The following RABL2A variants were observed in gnomAD, a reference collection of about 807,000 sequenced individuals.
RABL2A encodes the protein RAB, member of RAS oncogene family like 2A.
RABL2A carries 17 observed loss-of-function variants against 30.7 expected under a neutral mutation model. The ratio of observed to expected loss-of-function variants is 0.55; its 90% CI spans 0.38 to 0.83. The LOEUF (loss-of-function observed/expected upper bound fraction) is 0.83, where lower values mean the gene tolerates loss of function less well. Among genes scored for constraint, RABL2A ranks in the 40% least tolerant of loss-of-function variants. The pLI is 0.00. For missense variants in RABL2A, 155 were observed against 272.6 expected, an observed-to-expected ratio of 0.57 and a Z score of 3.04; for synonymous variants, 64 against 101.8, an observed-to-expected ratio of 0.63 and a Z score of 2.24.
chr2:113,637,419 C>T (rs1252253823), intron 5 of RABL2A: 125 of 1,082,228 alleles, frequency 1.2e-4, no homozygotes, highest in Admixed American at 2.0e-4. Flanking sequence ...CTGTGATGCA[C>T]GTGTGCAGGA....
At chr2:113,634,980 T>C in intron 4 of RABL2A, 71 bp from the exon 5 acceptor site, 1 of 1,602,992 alleles carries the variant, frequency 6.2e-7, no homozygotes, top group Non-Finnish European at 8.5e-7. Context: ...TTGTGCCGCA[T>C]GTGTGTTGTA....
intron 5 of RABL2A, among the ~76,000 whole-genome samples, chr2:113,635,767 T>C (rs1469224317): frequency 6.6e-6 from 1 of 152,222 alleles, no homozygotes; most frequent in Non-Finnish European, 1.5e-5. Context: ...AGGCCACCAC[T>C]TTTAAATGCT....
chr2:113,636,217 C>T (rs939928791), intron 5 of RABL2A, among the ~76,000 whole-genome samples: 1 of 152,226 alleles, frequency 6.6e-6, no homozygotes, highest in Non-Finnish European at 1.5e-5. Context: ...AAACCTCGGT[C>T]ACTAAAACTT....
At position 113,632,785 on chromosome 2, in the gene RABL2A, T is replaced by C. The variant is rs147294876; in HGVS notation, c.108-130T>C. 2.5e-3 allele frequency: 3,073 copies of C among 1,249,482 alleles called. 61 individuals carry two copies. The African/African-American group carries it at 0.04, about 16-fold the overall frequency. 77.4% of individuals were successfully genotyped at this position (1,249,482 alleles called of 1,614,324 possible). A position where few individuals can be genotyped will look rare whatever the true frequency, so the allele number is the denominator to read the frequency against. On this transcript the variant is annotated intron_variant, in intron 2 of 8. Transcript: ENST00000683472. Reference sequence around the variant, plus strand: ...ATTTCCAGACTTGACCCGGAAGCTGTGTGGCTGTGGAGTGAAAGGGGGAAG... The same window carrying C: ...ATTTCCAGACTTGACCCGGAAGCTGCGTGGCTGTGGAGTGAAAGGGGGAAG...
Position 113,628,578 on chromosome 2 carries a change from GC to G in RABL2A, c.-28del. On this transcript the variant is annotated 5_prime_UTR_variant, in exon 2 of 9. Coordinates refer to ENST00000683472, the MANE Select transcript of RABL2A (RefSeq NM_001306158.2). ...GTGACAATACCCTCCCCTCCCTTGG[GC>G]TGGACCCCTCTCTACAGCTAGGAGC... The G allele has an allele frequency of 1.6e-6, 2 of 1,263,626 alleles. No individual in the cohort carries two copies. Among genetic ancestry groups the G allele is most frequent in the Non-Finnish European group, 2.2e-6 (2 of 928,966 alleles). 78.3% of individuals were successfully genotyped at this position (1,263,626 alleles called of 1,614,324 possible).
At position 113,638,298 on chromosome 2, in the gene RABL2A, A is replaced by G. The variant is rs976074935; in HGVS notation, c.298-2596A>G. ...CAGTTGCTGACCCTCCCGCCACCAC[A>G]CAGGGCGAGCCCCTAGCCCTGAGCT... On this transcript the variant is annotated intron_variant, in intron 5 of 8. Transcript: ENST00000683472. 4 of 985,306 alleles carry G rather than the reference A, an allele frequency of 4.1e-6. No homozygotes were observed. In the African/African-American group the frequency reaches 5.2e-5, roughly 13 times the overall value. The allele number at this position is 985,306 out of a possible 1,614,324, so 61.0% of individuals were successfully genotyped here.
At chr2:113,633,967 C>T in intron 3 of RABL2A, 186 bp from the exon 4 acceptor site, 2 of 1,346,660 alleles carry the variant, frequency 1.5e-6, no homozygotes, top group South Asian at 2.9e-5. Context: ...CCTCACCCTT[C>T]CATGGAGCTT....
rs1430025172 is a variant in RABL2A at position 113,642,599 on chromosome 2, C to G, written c.*470C>G. On this transcript the variant is annotated 3_prime_UTR_variant, in exon 9 of 9. Transcript: ENST00000683472. ...GCCCCATCCTTTCCCTACGTTTTCTCCCATCTTTTTTCCTCTTCAATCTCC... is the reference window on the plus strand; with the variant it reads ...GCCCCATCCTTTCCCTACGTTTTCTGCCATCTTTTTTCCTCTTCAATCTCC... The G allele has an allele frequency of 9.4e-6, 2 of 213,726 alleles. No individual in the cohort carries two copies. The highest frequency in any genetic ancestry group is 4.8e-5 in the African/African-American group (2 of 41,724). The allele number at this position is 213,726 out of a possible 1,614,324, so 13.2% of individuals were successfully genotyped here. A position where few individuals can be genotyped will look rare whatever the true frequency, so the allele number is the denominator to read the frequency against.
At chr2:113,641,609 G>A (rs546455773) in intron 7 of RABL2A, 159 bp downstream of exon 7, 1 of 1,337,104 alleles carries the variant, frequency 7.5e-7, no homozygotes, top group South Asian at 1.3e-5. Context: ...TGGACTTGAT[G>A]AGGCAGAAGT....
At chr2:113,638,021 G>C (rs1307606275) in intron 5 of RABL2A, 74 of 985,264 alleles carry the variant, frequency 7.5e-5, no homozygotes, top group Non-Finnish European at 8.9e-5. Flanking sequence ...CCTCCACCTT[G>C]AAACCTTGAG....
chr2:113,635,006 C>G, intron 4 of RABL2A, 45 bp from the exon 5 acceptor site: 1 of 1,614,070 alleles, frequency 6.2e-7, no homozygotes, highest in Non-Finnish European at 8.5e-7. Flanking sequence ...GTGACTTGCA[C>G]AGAAATGCAC....
chr2:113,638,982 C>CT (rs769081657), intron 5 of RABL2A, among the ~76,000 whole-genome samples: 5 of 152,098 alleles, frequency 3.3e-5, no homozygotes, highest in Non-Finnish European at 4.4e-5. Context: ...ATAAAAATTA[C>CT]TTTAAAAAAA....
intron 3 of RABL2A, chr2:113,633,350 A>G: frequency 3.3e-6 from 1 of 302,442 alleles, no homozygotes; most frequent in South Asian, 2.9e-5. Flanking sequence ...GAACTTTGTA[A>G]AATAGGAGCT....
intron 5 of RABL2A, chr2:113,637,610 C>T (rs183211676): frequency 5.4e-5 from 65 of 1,212,806 alleles, no homozygotes; most frequent in Non-Finnish European, 6.5e-5. Flanking sequence ...AACAAAATCC[C>T]TTGAAAAATT....
intron 5 of RABL2A, 33 bp from the exon 6 acceptor site, chr2:113,640,861 C>T (rs1684863281): frequency 6.8e-6 from 11 of 1,613,548 alleles, no homozygotes; most frequent in East Asian, 4.5e-5. Context: ...CATTGACATA[C>T]CTGAGCTATC....
At chr2:113,641,252 C>G in intron 6 of RABL2A, 101 bp from the exon 7 acceptor site, 1 of 1,570,968 alleles carries the variant, frequency 6.4e-7, no homozygotes, top group South Asian at 1.1e-5. Flanking sequence ...TCCCAATCAT[C>G]CCTGCCTATC....
chr2:113,629,323 C>T (rs1006164433), intron 2 of RABL2A, among the ~76,000 whole-genome samples: 6 of 152,166 alleles, frequency 3.9e-5, no homozygotes, highest in African/African-American at 1.4e-4. Context: ...TGCCCCTGCC[C>T]AGAGAAGTGG....
At chr2:113,638,516 A>C in intron 5 of RABL2A, 1 of 985,432 alleles carries the variant, frequency 1.0e-6, no homozygotes, top group Non-Finnish European at 1.2e-6. Context: ...GTTGTCTTTC[A>C]GAGTTCTGCC....
In RABL2A at chr2:113,642,233, C is replaced by T. The variant is rs1169141441; in HGVS notation, c.*104C>T. On this transcript the variant is annotated 3_prime_UTR_variant, in exon 9 of 9. Transcript: ENST00000683472. ...CTCTCTAGGCCATCCCCTCTTCTAC[C>T]TCCTGCAACCCACCCATCCTATTAG... The T allele has an allele frequency of 6.7e-7, 1 of 1,484,450 alleles. No homozygotes were observed. Among genetic ancestry groups the T allele is most frequent in the Non-Finnish European group, 9.0e-7 (1 of 1,114,466 alleles). 92.0% of individuals were successfully genotyped at this position (1,484,450 alleles called of 1,614,324 possible). A position where few individuals can be genotyped will look rare whatever the true frequency, so the allele number is the denominator to read the frequency against.
Sources: gnomAD v4.1 joint callset for allele counts (sites outside exome capture counted in the v4.1 genomes callset) on GRCh38, gnomAD v4.1.1 for gene constraint, MANE v1.5 for transcripts, NCBI Gene and HGNC (gene_info 2026-07-23, HGNC 2026-07-21) for gene names.